OSBPL1A: variants seen among roughly 807,000 people sequenced by gnomAD.
The protein encoded by OSBPL1A is oxysterol binding protein like 1A.
In OSBPL1A, 80 loss-of-function variants were observed where a neutral mutation model predicts 137.1. The observed-to-expected ratio is 0.58, with a 90% CI of 0.49 to 0.70. The LOEUF (loss-of-function observed/expected upper bound fraction) is 0.70. OSBPL1A is among the 30% of genes least tolerant of loss of function. The pLI, the probability that OSBPL1A is intolerant of heterozygous loss-of-function variation, is 0.00. For synonymous variants in OSBPL1A, 365 were observed against 389.7 expected (o/e 0.94, Z 0.75); for missense variants, 970 against 1,129.4 (o/e 0.86, Z 2.02).
chr18:24,209,728 G>A (rs984379746), intron 17 of OSBPL1A, among the ~76,000 whole-genome samples: 2 of 152,200 alleles, frequency 1.3e-5, no homozygotes, highest in African/African-American at 2.4e-5. Flanking sequence ...ATATACAATA[G>A]GAATGGAAGT....
chr18:24,229,102 G>A (rs1282302270), intron 16 of OSBPL1A, among the ~76,000 whole-genome samples: 1 of 152,156 alleles, frequency 6.6e-6, no homozygotes, highest in East Asian at 1.9e-4. Flanking sequence ...TCGGAAGGCT[G>A]AGGCAGGAAG....
chr18:24,310,124 CG>C (rs1288414195), intron 13 of OSBPL1A, among the ~76,000 whole-genome samples: 1 of 148,172 alleles, frequency 6.7e-6, no homozygotes, highest in Non-Finnish European at 1.5e-5. Context: ...ACATGCAAAA[CG>C]TAAAAGTGCT....
chr18:24,223,595 C>T (rs774018706), intron 17 of OSBPL1A, among the ~76,000 whole-genome samples: 3 of 152,102 alleles, frequency 2.0e-5, no homozygotes, highest in African/African-American at 7.2e-5. Context: ...TTAACTTTCA[C>T]ATTTGTACCA....
chr18:24,304,303 A>T (rs888233108), intron 13 of OSBPL1A, among the ~76,000 whole-genome samples: 4 of 152,210 alleles, frequency 2.6e-5, no homozygotes, highest in Non-Finnish European at 4.4e-5. Flanking sequence ...GTAATTTGAA[A>T]GTTCTACATT....
At chr18:24,284,318 T>G (rs907878482) in intron 14 of OSBPL1A, among the ~76,000 whole-genome samples, 2 of 152,170 alleles carry the variant, frequency 1.3e-5, no homozygotes, top group Admixed American at 6.5e-5. Flanking sequence ...GAGACTAAAC[T>G]GTCATGAATA....
At chr18:24,251,426 T>C (rs2089093801) in intron 15 of OSBPL1A, among the ~76,000 whole-genome samples, 1 of 152,248 alleles carries the variant, frequency 6.6e-6, no homozygotes, top group South Asian at 2.1e-4. Flanking sequence ...ACTCTATTTG[T>C]TTGGGAGAAA....
intron 15 of OSBPL1A, chr18:24,272,186 C>T: frequency 3.0e-6 from 3 of 983,794 alleles, no homozygotes; most frequent in Non-Finnish European, 2.4e-6. Context: ...CTGCGAGGTC[C>T]TAGAGCTGCT....
chr18:24,324,819 G>A (rs1026842990), intron 7 of OSBPL1A, among the ~76,000 whole-genome samples: 1 of 147,974 alleles, frequency 6.8e-6, no homozygotes, highest in Non-Finnish European at 1.5e-5. Context: ...CAGGTGCAGT[G>A]GCTCATGCCT....
At chr18:24,207,655 T>C (rs967285826) in intron 17 of OSBPL1A, among the ~76,000 whole-genome samples, 2 of 152,248 alleles carry the variant, frequency 1.3e-5, no homozygotes, top group South Asian at 2.1e-4. Context: ...AATCTGTATG[T>C]ATACATGTAT....
chr18:24,179,700 T>A (rs762206793), intron 20 of OSBPL1A, 38 bp downstream of exon 20: 4 of 1,537,420 alleles, frequency 2.6e-6, no homozygotes, highest in Middle Eastern at 1.7e-4. Flanking sequence ...CCTCTTCATC[T>A]GCAACGCTGT....
chr18:24,334,222 TG>T (rs746070342), intron 6 of OSBPL1A, 22 bp downstream of exon 6: 7 of 1,584,356 alleles, frequency 4.4e-6, no homozygotes, highest in Middle Eastern at 1.8e-4. Flanking sequence ...TTTTGTCTTT[TG>T]GGGGTTTTTT....
chr18:24,358,195 C>G (rs1006360541), intron 4 of OSBPL1A: 11 of 474,352 alleles, frequency 2.3e-5, no homozygotes, highest in African/African-American at 2.1e-4. Context: ...CAACTCCAGC[C>G]TAAGAAGGGC....
At chr18:24,245,882 T>C (rs2088865937) in intron 15 of OSBPL1A, among the ~76,000 whole-genome samples, 1 of 152,200 alleles carries the variant, frequency 6.6e-6, no homozygotes. Context: ...TTTTCAGTCC[T>C]TCCTAGCACT....
chr18:24,265,686 C>T (rs117614877), intron 15 of OSBPL1A, among the ~76,000 whole-genome samples: 2,454 of 152,262 alleles, frequency 0.016, 25 homozygotes, highest in Middle Eastern at 0.075. Flanking sequence ...GAACAGCTGA[C>T]GTCACCAGAG....
chr18:24,362,437 G>C (rs923833734), intron 4 of OSBPL1A, among the ~76,000 whole-genome samples: 1 of 152,158 alleles, frequency 6.6e-6, no homozygotes, highest in African/African-American at 2.4e-5. Flanking sequence ...AAATAGACAA[G>C]AGTGGTATAA....
intron 15 of OSBPL1A, among the ~76,000 whole-genome samples, chr18:24,252,128 T>C (rs926601816): frequency 1.3e-5 from 2 of 151,098 alleles, no homozygotes; most frequent in African/African-American, 4.9e-5. Flanking sequence ...AAAGAGGAGG[T>C]AGAGAAAGAG....
chr18:24,171,462 A>G lies in OSBPL1A; in HGVS notation c.2238T>C (p.Cys746=). The change falls in exon 23 of 28, where the codon TGT becomes TGC. Residue 746 remains cysteine (C), a synonymous_variant. Transcript: ENST00000319481. Reference sequence around the variant, plus strand: ...TGTGTAATTCCTTACCAAAAAGGCCACATGGCTTAAAATTCAACACACATT... The same window carrying G: ...TGTGTAATTCCTTACCAAAAAGGCCGCATGGCTTAAAATTCAACACACATT... The part of the protein sequence containing the change: ...GDKCVLNFKP[C]GLFGKELHKV... 6.2e-7 allele frequency: 1 copy of G among 1,613,896 alleles called. No homozygotes were observed. Among genetic ancestry groups the G allele is most frequent in the Non-Finnish European group, 8.5e-7 (1 of 1,179,842 alleles).
At chr18:24,201,010 C>T (rs1184759676) in intron 17 of OSBPL1A, among the ~76,000 whole-genome samples, 1 of 151,946 alleles carries the variant, frequency 6.6e-6, no homozygotes, top group African/African-American at 2.4e-5. Context: ...GAAATAAGAA[C>T]AGACGAGAGC....
intron 6 of OSBPL1A, among the ~76,000 whole-genome samples, chr18:24,333,783 C>T (rs543587517): frequency 5.2e-4 from 79 of 152,274 alleles, no homozygotes; most frequent in African/African-American, 1.9e-3. Context: ...TATAAGTATT[C>T]CAAAATACTG....
Sources: gnomAD v4.1 joint callset for allele counts (sites outside exome capture counted in the v4.1 genomes callset) on GRCh38, gnomAD v4.1.1 for gene constraint, MANE v1.5 for transcripts, NCBI Gene and HGNC (gene_info 2026-07-23, HGNC 2026-07-21) for gene names.